Variants in HECTD2 observed in about 807,000 individuals in gnomAD.
HECTD2 encodes HECT domain E3 ubiquitin protein ligase 2.
Under a neutral mutation model 103.2 loss-of-function variants are expected in HECTD2, and 35 were observed. The ratio of observed to expected loss-of-function variants is 0.34; its 90% confidence interval spans 0.26 to 0.45. HECTD2 has a LOEUF of 0.45. HECTD2 is among the 20% of genes least tolerant of loss of function. The pLI is 1.00. For missense variants in HECTD2, 596 were observed against 937.4 expected, an observed-to-expected ratio of 0.64 and a Z score of 4.76; for synonymous variants, 281 against 329.9, an observed-to-expected ratio of 0.85 and a Z score of 1.61.
rs1261267873 is a variant in HECTD2, at chr10:91,513,319, A to AT, written c.*941dup. On this transcript the variant is annotated 3_prime_UTR_variant, in exon 21 of 21. Coordinates refer to ENST00000298068, the MANE Select transcript of HECTD2 (RefSeq NM_182765.6). ...AATCATGTACAAGACTTATATCTAC[A>AT]TTTTTTGATCACCAGTTGTACCAAA... The AT allele has an allele frequency of 6.6e-6, 1 of 152,604 alleles. No individual in the cohort carries two copies. Among genetic ancestry groups the AT allele is most frequent in the Admixed American group, 6.5e-5 (1 of 15,268 alleles). 9.5% of individuals were successfully genotyped at this position (152,604 alleles called of 1,614,324 possible).
intron 13 of HECTD2, 38 bp from the exon 14 acceptor site, chr10:91,493,382 A>G (rs984439605): frequency 3.4e-6 from 4 of 1,160,332 alleles, no homozygotes; most frequent in Non-Finnish European, 2.4e-6. Context: ...TTTTAAGTCA[A>G]TCATGTTAAT....
At chr10:91,409,608 G>T (rs1162954655), upstream of HECTD2, among the ~76,000 whole-genome samples, 8 of 152,040 alleles carry the variant, frequency 5.3e-5, no homozygotes, top group Admixed American at 5.2e-4. Flanking sequence ...TCCTATGGGG[G>T]AAGGGGAAAG....
intron 1 of HECTD2, among the ~76,000 whole-genome samples, chr10:91,417,682 A>G (rs2132987595): frequency 6.6e-6 from 1 of 152,196 alleles, no homozygotes; most frequent in South Asian, 2.1e-4. Context: ...ATGTCCCTAC[A>G]AAGGACATGA....
chr10:91,450,679 G>GAA (rs139563239), intron 2 of HECTD2, among the ~76,000 whole-genome samples: 1 of 141,354 alleles, frequency 7.1e-6, no homozygotes. Context: ...AGATTTACAA[G>GAA]AAAAAAAAAA....
rs115165792 is a variant in HECTD2 at position 91,492,277 on chromosome 10, T to C, written c.1300-75T>C. On this transcript the variant is annotated intron_variant, in intron 12 of 20. Transcript: ENST00000298068. ...AATAAGTTAAAGACTGCCTAACACATTTCCCAGAATTAAAAATGTTAATTC... is the reference window on the plus strand; with the variant it reads ...AATAAGTTAAAGACTGCCTAACACACTTCCCAGAATTAAAAATGTTAATTC... The C allele has an allele frequency of 3.1e-3, 4,247 of 1,389,580 alleles. 106 individuals carry two copies. The African/African-American group carries it at 0.054, about 18-fold the overall frequency. 86.1% of individuals were successfully genotyped at this position (1,389,580 alleles called of 1,614,324 possible).
intron 2 of HECTD2, among the ~76,000 whole-genome samples, chr10:91,427,056 T>G (rs1843596662): frequency 7.3e-6 from 1 of 136,918 alleles, no homozygotes; most frequent in African/African-American, 2.7e-5. Flanking sequence ...TGTGTCCATG[T>G]GTTCTCATTG....
intron 2 of HECTD2, among the ~76,000 whole-genome samples, chr10:91,455,082 C>T (rs1258497733): frequency 6.6e-6 from 1 of 151,712 alleles, no homozygotes; most frequent in Non-Finnish European, 1.5e-5. Context: ...TGAATATATA[C>T]CCAGTAATGG....
intron 5 of HECTD2, chr10:91,464,829 T>A (rs1845473070): frequency 6.6e-6 from 1 of 152,294 alleles, no homozygotes; most frequent in Admixed American, 6.5e-5. Context: ...GGACCAGTCC[T>A]CTCTGAGTTC....
In HECTD2 at chr10:91,481,081, GTTTC is replaced by G; in HGVS notation, c.666-9_666-6del. On this transcript the variant is annotated splice_polypyrimidine_tract_variant and intron_variant, in intron 6 of 20. Coordinates refer to ENST00000298068, the MANE Select transcript of HECTD2 (RefSeq NM_182765.6). ...CATTCATCCATAATAAATTATTCTTGTTTCTTTTTCAGTCCACGAACAAAAGATG... is the reference window on the plus strand; with the variant it reads ...CATTCATCCATAATAAATTATTCTTGTTTTTCAGTCCACGAACAAAAGATG... 1 of 1,411,416 alleles carries G rather than the reference GTTTC, an allele frequency of 7.1e-7. No homozygotes were observed. Among genetic ancestry groups the G allele is most frequent in the Non-Finnish European group, 9.9e-7 (1 of 1,014,822 alleles). The allele number at this position is 1,411,416 out of a possible 1,614,324, so 87.4% of individuals were successfully genotyped here.
Position 91,484,566 on chromosome 10 carries a change from G to T in HECTD2, c.881G>T (p.Arg294Leu). The change falls in exon 9 of 21, where the codon CGC (arginine) becomes CTC (leucine). Residue 294 changes from arginine (R) to leucine (L), a missense_variant. Physicochemically the swap from Arg to Leu is moderately radical, Grantham distance 102. Transcript: ENST00000298068. The part of the protein sequence containing the change: ...VERLLQFISL[R>L]LFPAKPEEFP... ...AGATTGCTGCAATTTATTTCTTTAC[G>T]CCTGTTTCCTGCAAAGCCTGAAGAA... 3.7e-6 allele frequency: 6 copies of T among 1,611,784 alleles called. No individual in the cohort carries two copies. Among genetic ancestry groups the T allele is most frequent in the Non-Finnish European group, 5.1e-6 (6 of 1,178,450 alleles).
intron 5 of HECTD2, among the ~76,000 whole-genome samples, chr10:91,467,351 C>T (rs1453110223): frequency 6.6e-6 from 1 of 152,114 alleles, no homozygotes; most frequent in African/African-American, 2.4e-5. Context: ...GCCAGGGTTG[C>T]CCATCCCTCA....
chr10:91,473,321 A>G (rs1039168171), intron 5 of HECTD2, among the ~76,000 whole-genome samples: 2 of 152,196 alleles, frequency 1.3e-5, no homozygotes, highest in African/African-American at 4.8e-5. Flanking sequence ...CAAAATACTA[A>G]AAGAAAAGAA....
At chr10:91,409,456 A>C (rs1349311957), upstream of HECTD2, 1 of 152,570 alleles carries the variant, frequency 6.6e-6, no homozygotes, top group South Asian at 2.1e-4. Context: ...GAAAGGAACA[A>C]GGAAGGGACG....
chr10:91,454,913 G>A (rs183274238), intron 2 of HECTD2, among the ~76,000 whole-genome samples: 3,042 of 152,066 alleles, frequency 0.02, 101 homozygotes, highest in African/African-American at 0.069. Flanking sequence ...CCTTTTTTAT[G>A]GCTGCATAGT....
intron 1 of HECTD2, among the ~76,000 whole-genome samples, chr10:91,413,003 C>A (rs529093476): frequency 6.6e-6 from 1 of 152,186 alleles, no homozygotes; most frequent in African/African-American, 2.4e-5. Flanking sequence ...TCATCAATAA[C>A]TTTTTCTTTG....
chr10:91,439,389 A>G (rs1158174991), intron 2 of HECTD2, among the ~76,000 whole-genome samples: 1 of 152,040 alleles, frequency 6.6e-6, no homozygotes, highest in Admixed American at 6.5e-5. Flanking sequence ...ATTATTGTAG[A>G]TGTGTGGCAT....
Position 91,484,622 on chromosome 10 carries a change from A to C in HECTD2, c.937A>C (p.Ile313Leu). The C allele has an allele frequency of 6.2e-7, 1 of 1,611,418 alleles. No individual in the cohort carries two copies. The highest frequency in any genetic ancestry group is 2.2e-5 in the East Asian group (1 of 44,804). Residue 313 changes from isoleucine to leucine, a missense_variant, in exon 9 of 21, where the codon ATT (isoleucine) becomes CTT (leucine). By Grantham distance (5) the Ile-to-Leu change is conservative. Coordinates refer to ENST00000298068, the MANE Select transcript of HECTD2 (RefSeq NM_182765.6). Reference sequence around the variant, plus strand: ...ACCTATAACAAAGTGTTCCTGGTGGATTCCATCAGCCGCTAAAGTGTTGGC... The same window carrying C: ...ACCTATAACAAAGTGTTCCTGGTGGCTTCCATCAGCCGCTAAAGTGTTGGC... Reference protein sequence around the residue: ...FPPITKCSWWIPSAAKVLALL... With the variant: ...FPPITKCSWWLPSAAKVLALL...
chr10:91,467,081 G>T (rs1407388530), intron 5 of HECTD2, among the ~76,000 whole-genome samples: 1 of 152,058 alleles, frequency 6.6e-6, no homozygotes, highest in East Asian at 1.9e-4. Flanking sequence ...GCTGAAGGGA[G>T]CTGGGAAACC....
In HECTD2 at chr10:91,489,656, A is replaced by G. The variant is rs1169803077; in HGVS notation, c.1192-1544A>G. On this transcript the variant is annotated intron_variant, in intron 11 of 20. Coordinates refer to ENST00000298068, the MANE Select transcript of HECTD2 (RefSeq NM_182765.6). ...GAACAGAAGATAGGAAAAGGTAGGA[A>G]AAAACGGTCTGTAACACAGGACACT... 2.0e-5 allele frequency: 3 copies of G among 152,338 alleles called. No individual in the cohort carries two copies. In the East Asian group the frequency reaches 5.8e-4, roughly 29 times the overall value. The allele number at this position is 152,338 out of a possible 1,614,324, so 9.4% of individuals were successfully genotyped here. A position where few individuals can be genotyped will look rare whatever the true frequency, so the allele number is the denominator to read the frequency against.
Sources: allele counts gnomAD v4.1 joint callset (sites outside exome capture counted in the v4.1 genomes callset), GRCh38; gene constraint gnomAD v4.1.1; transcripts MANE v1.5; gene names NCBI Gene and HGNC (gene_info 2026-07-23, HGNC 2026-07-21).